Variants in TENM4 observed in about 807,000 individuals in gnomAD.
TENM4 encodes teneurin transmembrane protein 4.
TENM4 carries 82 observed loss-of-function variants against 243.3 expected under a neutral mutation model. That is an observed-to-expected ratio of 0.34 (90% confidence interval 0.28 to 0.40). TENM4 has a LOEUF of 0.40. Among genes scored for constraint, TENM4 ranks in the 10% least tolerant of loss-of-function variants. The probability of loss-of-function intolerance (pLI) is 1.00; values close to 1 mark genes in which losing one functional copy is unlikely to be tolerated. For synonymous variants in TENM4, 1,412 were observed against 1,456.3 expected, an observed-to-expected ratio of 0.97 and a Z score of 0.69; for missense variants, 3,138 against 3,673.3, an observed-to-expected ratio of 0.85 and a Z score of 3.77.
intron 4 of TENM4, among the ~76,000 whole-genome samples, chr11:79,114,265 A>C (rs1861571862): frequency 6.6e-6 from 1 of 152,234 alleles, no homozygotes; most frequent in Admixed American, 6.5e-5. Context: ...TTACATAGAA[A>C]AAAAATAAAC....
At chr11:78,885,424 T>C (rs1158687399) in intron 9 of TENM4, among the ~76,000 whole-genome samples, 1 of 152,190 alleles carries the variant, frequency 6.6e-6, no homozygotes, top group Non-Finnish European at 1.5e-5. Flanking sequence ...CTCCCTGGAT[T>C]CCCAGCTCAG....
chr11:78,772,762 C>A (rs1856667754), intron 17 of TENM4, among the ~76,000 whole-genome samples: 1 of 152,198 alleles, frequency 6.6e-6, no homozygotes, highest in Non-Finnish European at 1.5e-5. Context: ...CACACAACAA[C>A]CAAGCAATTT....
intron 6 of TENM4, among the ~76,000 whole-genome samples, chr11:79,037,743 A>T (rs1859423572): frequency 6.6e-6 from 1 of 152,172 alleles, no homozygotes; most frequent in African/African-American, 2.4e-5. Flanking sequence ...GTGGACACTT[A>T]TTTGCACAGT....
At chr11:79,399,470 A>G (rs1696816783) in intron 1 of TENM4, among the ~76,000 whole-genome samples, 4 of 152,212 alleles carry the variant, frequency 2.6e-5, no homozygotes, top group Admixed American at 2.0e-4. Flanking sequence ...TTTTTATCAG[A>G]AAAATTTAAA....
intron 4 of TENM4, among the ~76,000 whole-genome samples, chr11:79,138,956 C>T (rs1352862031): frequency 2.5e-5 from 2 of 80,446 alleles, no homozygotes; most frequent in East Asian, 5.3e-4. Context: ...TATTATATTT[C>T]CATAAATATA....
At chr11:78,851,430 G>A (rs185908776) in intron 12 of TENM4, among the ~76,000 whole-genome samples, 1 of 152,366 alleles carries the variant, frequency 6.6e-6, no homozygotes, top group East Asian at 1.9e-4. Flanking sequence ...GGTTGGCAAA[G>A]ATGCCTCACT....
chr11:79,046,777 C>T (rs1859670292), intron 6 of TENM4, among the ~76,000 whole-genome samples: 1 of 152,168 alleles, frequency 6.6e-6, no homozygotes, highest in Non-Finnish European at 1.5e-5. Context: ...GAGCATGGCC[C>T]TGTCTATACC....
intron 21 of TENM4, among the ~76,000 whole-genome samples, chr11:78,730,469 C>T (rs1783946): frequency 0.87 from 132,455 of 152,152 alleles, 58,406 homozygotes; most frequent in African/African-American, 0.93. Flanking sequence ...ACTGGCTGCA[C>T]GGAGCTTCTG....
chr11:79,049,907 C>A (rs920161618), intron 6 of TENM4, among the ~76,000 whole-genome samples: 1 of 152,220 alleles, frequency 6.6e-6, no homozygotes, highest in South Asian at 2.1e-4. Flanking sequence ...CCGGCTTCCT[C>A]CGAACTTTGT....
intron 6 of TENM4, among the ~76,000 whole-genome samples, chr11:79,031,435 GA>G (rs1859234813): frequency 6.6e-6 from 1 of 152,152 alleles, no homozygotes; most frequent in Non-Finnish European, 1.5e-5. Context: ...AGTCAGCAGG[GA>G]AAGGAGCTTT....
intron 6 of TENM4, among the ~76,000 whole-genome samples, chr11:78,911,944 A>T (rs1591123131): frequency 6.6e-6 from 1 of 152,214 alleles, no homozygotes; most frequent in Non-Finnish European, 1.5e-5. Flanking sequence ...TCCCTCCAGG[A>T]TACAACAATT....
chr11:78,876,360 C>T (rs926503990), intron 9 of TENM4, among the ~76,000 whole-genome samples: 2 of 152,202 alleles, frequency 1.3e-5, no homozygotes, highest in African/African-American at 2.4e-5. Flanking sequence ...AATGAAAGTA[C>T]AGATTGAGGC....
At chr11:79,305,609 G>A (rs1046272695) in intron 1 of TENM4, among the ~76,000 whole-genome samples, 1 of 152,206 alleles carries the variant, frequency 6.6e-6, no homozygotes, top group African/African-American at 2.4e-5. Context: ...AGCTTTAGAA[G>A]GAGATGCGGA....
intron 19 of TENM4, among the ~76,000 whole-genome samples, chr11:78,751,966 A>T: frequency 6.6e-6 from 1 of 152,170 alleles, no homozygotes; most frequent in Non-Finnish European, 1.5e-5. Flanking sequence ...CACTAGGCAG[A>T]TGGGACCCGG....
chr11:79,196,288 C>T (rs2135178690), intron 3 of TENM4, among the ~76,000 whole-genome samples: 1 of 151,984 alleles, frequency 6.6e-6, no homozygotes, highest in Non-Finnish European at 1.5e-5. Context: ...GGCTCTGAGT[C>T]CAGGCCCTGC....
At chr11:79,154,046 T>A (rs1000689975) in intron 3 of TENM4, among the ~76,000 whole-genome samples, 1 of 152,144 alleles carries the variant, frequency 6.6e-6, no homozygotes, top group Non-Finnish European at 1.5e-5. Flanking sequence ...AAGGCTTATG[T>A]CACCCCTTGT....
At chr11:79,313,682 G>A (rs1407421715) in intron 1 of TENM4, among the ~76,000 whole-genome samples, 3 of 152,190 alleles carry the variant, frequency 2.0e-5, no homozygotes, top group Non-Finnish European at 4.4e-5. Flanking sequence ...CTCCATGAAT[G>A]ATGGCTTCAG....
chr11:79,111,129 A>G (rs1387780596), intron 4 of TENM4, among the ~76,000 whole-genome samples: 2 of 152,156 alleles, frequency 1.3e-5, no homozygotes, highest in Non-Finnish European at 2.9e-5. Context: ...TAATGGTTTT[A>G]TAAGGGGAAA....
chr11:78,754,654 T>C (rs1201713060), intron 19 of TENM4, among the ~76,000 whole-genome samples: 3 of 152,118 alleles, frequency 2.0e-5, no homozygotes, highest in South Asian at 4.2e-4. Context: ...CAAGCATACA[T>C]ACAAAATCAC....
Sources: allele counts gnomAD v4.1 joint callset (sites outside exome capture counted in the v4.1 genomes callset), GRCh38; gene constraint gnomAD v4.1.1; transcripts MANE v1.5; gene names NCBI Gene and HGNC (gene_info 2026-07-23, HGNC 2026-07-21).